Variants in CDH13 observed in about 807,000 individuals in gnomAD.
CDH13 encodes cadherin-13.
Under a neutral mutation model 63.8 loss-of-function variants are expected in CDH13, and 24 were observed. That is an observed-to-expected ratio of 0.38 (90% CI 0.27 to 0.53). CDH13 has a LOEUF of 0.53. Ranked by LOEUF, CDH13 falls within the 20% of genes least tolerant of loss-of-function variation. The pLI is 0.85. For missense variants in CDH13, 1,049 were observed against 903.1 expected, an observed-to-expected ratio of 1.16 and a Z score of -2.07; for synonymous variants, 503 against 355.3, an observed-to-expected ratio of 1.42 and a Z score of -4.67.
chr16:83,440,333 C>A (rs960142046), intron 6 of CDH13, among the ~76,000 whole-genome samples: 2 of 152,138 alleles, frequency 1.3e-5, no homozygotes, highest in Admixed American at 6.5e-5. Flanking sequence ...GGCTTGTCCA[C>A]ACCCAAATAT....
intron 1 of CDH13, among the ~76,000 whole-genome samples, chr16:82,731,961 C>A (rs933844888): frequency 6.6e-6 from 1 of 152,154 alleles, no homozygotes; most frequent in South Asian, 2.1e-4. Context: ...CCACCTGAAA[C>A]AATCTCTTCT....
chr16:82,815,390 T>C (rs2037654997), intron 1 of CDH13, among the ~76,000 whole-genome samples: 1 of 151,954 alleles, frequency 6.6e-6, no homozygotes, highest in Non-Finnish European at 1.5e-5. Flanking sequence ...AATTCTAAGG[T>C]GGTTGTGAGG....
At chr16:83,697,324 T>C (rs960840782) in intron 10 of CDH13, among the ~76,000 whole-genome samples, 1 of 152,196 alleles carries the variant, frequency 6.6e-6, no homozygotes, top group African/African-American at 2.4e-5. Flanking sequence ...TTGTGATCTG[T>C]TTAGTGCCGT....
rs142049265 is a variant in CDH13 at position 82,674,635 on chromosome 16, G to T, written c.45+47498G>T. Among the ~76,000 whole-genome samples, 348 of 152,318 alleles carry T rather than the reference G, an allele frequency of 2.3e-3. 2 individuals carry two copies. The highest frequency in any genetic ancestry group is 7.3e-3 in the African/African-American group (302 of 41,572). ...CTCCCTGGGGATTTCATAGATGGTG[G>T]ATATTTAAATATGCAAAACATTATT... On this transcript the variant is annotated intron_variant, in intron 1 of 13. Transcript: ENST00000567109.
At chr16:82,876,342 A>G (rs2040501672) in intron 2 of CDH13, among the ~76,000 whole-genome samples, 1 of 152,222 alleles carries the variant, frequency 6.6e-6, no homozygotes, top group African/African-American at 2.4e-5. Flanking sequence ...TGAATAGTAC[A>G]TTTTCCTAGA....
chr16:83,247,376 A>G (rs879857868), intron 5 of CDH13, among the ~76,000 whole-genome samples: 49 of 152,176 alleles, frequency 3.2e-4, no homozygotes, highest in Non-Finnish European at 4.7e-4. Context: ...GAGAGAAGCA[A>G]GCTTAATGAC....
chr16:82,692,567 CT>C (rs1597337547), intron 1 of CDH13, among the ~76,000 whole-genome samples: 1 of 152,118 alleles, frequency 6.6e-6, no homozygotes, highest in Admixed American at 6.5e-5. Context: ...TCTCTTGTTC[CT>C]TCCATGACAT....
chr16:83,610,719 G>A (rs928997971), intron 8 of CDH13, among the ~76,000 whole-genome samples: 2 of 152,126 alleles, frequency 1.3e-5, no homozygotes, highest in Non-Finnish European at 2.9e-5. Flanking sequence ...CCTACTACAT[G>A]TGGGCATTTG....
chr16:82,858,191 T>A (rs1205808736), intron 1 of CDH13, among the ~76,000 whole-genome samples, 171 bp from the exon 2 acceptor site: 5 of 152,228 alleles, frequency 3.3e-5, no homozygotes, highest in Non-Finnish European at 1.5e-5. Context: ...TCTCCAAATC[T>A]CAGTGCCAAA....
At chr16:83,043,549 A>G (rs1258409827) in intron 3 of CDH13, among the ~76,000 whole-genome samples, 1 of 151,586 alleles carries the variant, frequency 6.6e-6, no homozygotes, top group Non-Finnish European at 1.5e-5. Context: ...GATATATCTA[A>G]CATATTATCA....
chr16:83,776,439 T>C (rs1689304571), intron 11 of CDH13, among the ~76,000 whole-genome samples: 1 of 152,348 alleles, frequency 6.6e-6, no homozygotes, highest in African/African-American at 2.4e-5. Flanking sequence ...CTAACGAAAG[T>C]TGATGATATG....
At chr16:83,737,093 C>T (rs1911610699) in intron 10 of CDH13, among the ~76,000 whole-genome samples, 1 of 152,210 alleles carries the variant, frequency 6.6e-6, no homozygotes, top group African/African-American at 2.4e-5. Context: ...CGTTTGTCTG[C>T]AGGCACGCTG....
intron 8 of CDH13, among the ~76,000 whole-genome samples, chr16:83,628,016 G>C (rs1285591878): frequency 6.6e-6 from 1 of 152,198 alleles, no homozygotes; most frequent in Non-Finnish European, 1.5e-5. Context: ...GCGCTGGTGG[G>C]AGTGTAGCAG....
chr16:83,381,214 A>G (rs1305417097), intron 6 of CDH13, among the ~76,000 whole-genome samples: 4 of 152,002 alleles, frequency 2.6e-5, no homozygotes, highest in African/African-American at 9.7e-5. Context: ...TCTAATTTCT[A>G]AAGTTGATGT....
At chr16:82,954,518 T>A (rs1305676376) in intron 2 of CDH13, 1 of 152,146 alleles carries the variant, frequency 6.6e-6, no homozygotes, top group African/African-American at 2.4e-5. Flanking sequence ...TGTGATGGTG[T>A]GCTCTTCCAA....
At chr16:82,856,385 A>AAAAAGAAAAGAAAAG (rs67180729) in intron 1 of CDH13, among the ~76,000 whole-genome samples, 3 of 95,294 alleles carry the variant, frequency 3.1e-5, no homozygotes, top group African/African-American at 1.1e-4. Flanking sequence ...AAAAAAAAAA[A>AAAAAGAAAAGAAAAG]AAAAGAAAAG....
In CDH13 at chr16:82,866,985, A is replaced by T. The variant is rs1263559046; in HGVS notation, c.157+8512A>T. 3.3e-5 allele frequency among the ~76,000 whole-genome samples: 5 copies of T among 152,194 alleles called. No homozygotes were observed. The East Asian group carries it at 9.6e-4, about 29-fold the overall frequency. ...GGCCACAAAGCCTAACCATATTAGGAACATATGTTGGCATGCAAGCTTCTG... is the reference window on the plus strand; with the variant it reads ...GGCCACAAAGCCTAACCATATTAGGTACATATGTTGGCATGCAAGCTTCTG... On this transcript the variant is annotated intron_variant, in intron 2 of 13. Coordinates refer to ENST00000567109, the MANE Select transcript of CDH13 (RefSeq NM_001257.5).
chr16:83,314,369 A>T (rs1404904196), intron 5 of CDH13, among the ~76,000 whole-genome samples: 6 of 152,298 alleles, frequency 3.9e-5, no homozygotes, highest in African/African-American at 1.4e-4. Context: ...ATAATTTGGT[A>T]TTTAAAACAA....
intron 1 of CDH13, among the ~76,000 whole-genome samples, chr16:82,673,886 T>G (rs1022641342): frequency 6.6e-6 from 1 of 152,190 alleles, no homozygotes; most frequent in African/African-American, 2.4e-5. Context: ...CTGAGAAAAC[T>G]AAAATTCTAT....
Sources: gnomAD v4.1 joint callset for allele counts (sites outside exome capture counted in the v4.1 genomes callset) on GRCh38, gnomAD v4.1.1 for gene constraint, MANE v1.5 for transcripts, NCBI Gene and HGNC (gene_info 2026-07-23, HGNC 2026-07-21) for gene names.